Variants in WDR70 observed in about 807,000 individuals in gnomAD.
WDR70 encodes the protein WD repeat-containing protein 70.
WDR70 carries 53 observed loss-of-function variants against 88.6 expected under a neutral mutation model. That is an observed-to-expected ratio of 0.60 (90% CI 0.48 to 0.75). WDR70 has a LOEUF of 0.75. WDR70 is among the 30% of genes least tolerant of loss of function. The pLI, the probability that WDR70 is intolerant of heterozygous loss-of-function variation, is 0.00. For missense variants in WDR70, 610 were observed against 823.2 expected (o/e 0.74, Z 3.17); for synonymous variants, 280 against 270.0 (o/e 1.04, Z -0.36).
chr5:37,719,925 C>T (rs1327882610), intron 13 of WDR70, among the ~76,000 whole-genome samples: 3 of 151,606 alleles, frequency 2.0e-5, no homozygotes, highest in Non-Finnish European at 2.9e-5. Flanking sequence ...TCACTGAAGC[C>T]TCAAACTCCT....
rs1748359424 is a variant in WDR70 at position 37,379,626 on chromosome 5, G to T, written c.91+72G>T. The stretch of plus-strand genomic sequence containing the variant: ...TGAAGATCCGCAGAGTGGGAGTGGA[G>T]ATCGAGCTGTCAACTCGGAATTATT... On this transcript the variant is annotated intron_variant, in intron 2 of 17. Coordinates refer to ENST00000265107, the MANE Select transcript of WDR70 (RefSeq NM_018034.4). 3.3e-6 allele frequency: 5 copies of T among 1,526,822 alleles called. No individual in the cohort carries two copies. The East Asian group carries it at 1.1e-4, about 34-fold the overall frequency. The allele number at this position is 1,526,822 out of a possible 1,614,324, so 94.6% of individuals were successfully genotyped here.
At chr5:37,546,365 C>T (rs1195833033) in intron 9 of WDR70, among the ~76,000 whole-genome samples, 1 of 152,134 alleles carries the variant, frequency 6.6e-6, no homozygotes, top group Non-Finnish European at 1.5e-5. Context: ...TCTACACCTT[C>T]AAAAATGTTG....
chr5:37,483,523 A>T (rs1357269857), intron 8 of WDR70, among the ~76,000 whole-genome samples: 1 of 152,218 alleles, frequency 6.6e-6, no homozygotes, highest in Non-Finnish European at 1.5e-5. Context: ...CACGGCAACC[A>T]TCTGATTTCT....
chr5:37,381,990 T>C (rs978702252), intron 3 of WDR70, among the ~76,000 whole-genome samples: 1 of 123,976 alleles, frequency 8.1e-6, no homozygotes, highest in African/African-American at 2.5e-5. Flanking sequence ...GAGGCAGAGG[T>C]TGCAGTGAGC....
rs1329099985 is a variant in WDR70, at chr5:37,523,286, C to T, written c.917+6696C>T. Reference sequence around the variant, plus strand: ...GGGTACCGCTCTGAGACGAAGCTTCCAGAGGAACGATCAGGCAGCAACATT... The same window carrying T: ...GGGTACCGCTCTGAGACGAAGCTTCTAGAGGAACGATCAGGCAGCAACATT... On this transcript the variant is annotated intron_variant, in intron 9 of 17. Coordinates refer to ENST00000265107, the MANE Select transcript of WDR70 (RefSeq NM_018034.4). Among the ~76,000 whole-genome samples, 3 of 152,230 alleles carry T rather than the reference C, an allele frequency of 2.0e-5. 1 individual carries two copies. Among genetic ancestry groups the T allele is most frequent in the Admixed American group, 1.3e-4 (2 of 15,286 alleles).
chr5:37,564,305 C>T (rs1742663974), intron 9 of WDR70, among the ~76,000 whole-genome samples: 1 of 152,258 alleles, frequency 6.6e-6, no homozygotes. Context: ...TGGCAGATCA[C>T]TCGTGGTTAG....
At chr5:37,676,112 C>T (rs10074985) in intron 10 of WDR70, among the ~76,000 whole-genome samples, 111,424 of 141,328 alleles carry the variant, frequency 0.79, 44,888 homozygotes, top group East Asian at 0.89. Context: ...TGAAGTTGCG[C>T]ATCAGCTTAA....
intron 16 of WDR70, among the ~76,000 whole-genome samples, chr5:37,726,052 C>T (rs1318294110): frequency 6.6e-6 from 1 of 152,096 alleles, no homozygotes; most frequent in Non-Finnish European, 1.5e-5. Flanking sequence ...TTGTACTTAA[C>T]CCATTCTGCT....
intron 7 of WDR70, among the ~76,000 whole-genome samples, chr5:37,476,658 C>T (rs564417481): frequency 5.7e-4 from 86 of 151,728 alleles, no homozygotes; most frequent in Non-Finnish European, 1.1e-3. Flanking sequence ...TCAAGCAGTT[C>T]TCCTGCCTCA....
chr5:37,502,370 G>A lies in WDR70; in HGVS notation c.841-14144G>A, dbSNP rs1740429037. 2.6e-5 allele frequency among the ~76,000 whole-genome samples: 4 copies of A among 152,240 alleles called. No homozygotes were observed. In the East Asian group the frequency reaches 7.7e-4, roughly 29 times the overall value. ...GGTCTTGTTCCAATTCTTGGGAGAG[G>A]TGGGGATTCTTTTCAACTTTTCCCC... is the stretch of plus-strand genomic sequence containing the variant. On this transcript the variant is annotated intron_variant, in intron 8 of 17. Coordinates refer to ENST00000265107, the MANE Select transcript of WDR70 (RefSeq NM_018034.4).
intron 10 of WDR70, among the ~76,000 whole-genome samples, chr5:37,618,397 C>T (rs1436798598): frequency 1.3e-5 from 2 of 152,104 alleles, no homozygotes; most frequent in Non-Finnish European, 2.9e-5. Context: ...GAGACAGAGA[C>T]CTGCTCAGTT....
At chr5:37,390,199 ATTTT>A (rs1370780352) in intron 3 of WDR70, among the ~76,000 whole-genome samples, 2,015 of 151,526 alleles carry the variant, frequency 0.013, 40 homozygotes, top group African/African-American at 0.046. Context: ...TATTTTAAAT[ATTTT>A]TTTGTCTTTC....
chr5:37,505,477 A>G (rs553654755), intron 8 of WDR70, among the ~76,000 whole-genome samples: 5 of 152,276 alleles, frequency 3.3e-5, no homozygotes, highest in Admixed American at 2.0e-4. Flanking sequence ...CCGTATACCT[A>G]TTAATGAGTG....
At chr5:37,501,522 T>A (rs2112220558) in intron 8 of WDR70, among the ~76,000 whole-genome samples, 1 of 152,296 alleles carries the variant, frequency 6.6e-6, no homozygotes, top group South Asian at 2.1e-4. Context: ...TGCAAAAAGA[T>A]CTTGTAGTAT....
chr5:37,405,490 C>T (rs986638895), intron 5 of WDR70, among the ~76,000 whole-genome samples: 7 of 152,016 alleles, frequency 4.6e-5, no homozygotes, highest in Admixed American at 6.6e-5. Flanking sequence ...GCTGGGATTA[C>T]AGGTGTGAGC....
intron 7 of WDR70, among the ~76,000 whole-genome samples, chr5:37,453,891 C>T (rs1222678477): frequency 1.3e-5 from 2 of 152,146 alleles, no homozygotes; most frequent in Admixed American, 1.3e-4. Flanking sequence ...TCAAAAGTAG[C>T]TCCTCTCCCA....
intron 10 of WDR70, among the ~76,000 whole-genome samples, chr5:37,697,449 C>CAGA (rs1385113310): frequency 6.6e-6 from 1 of 152,194 alleles, no homozygotes; most frequent in Non-Finnish European, 1.5e-5. Context: ...CTTACCTTCT[C>CAGA]TGTTCTTTAT....
chr5:37,442,902 T>C (rs1750698715), intron 6 of WDR70, among the ~76,000 whole-genome samples: 2 of 152,242 alleles, frequency 1.3e-5, no homozygotes, highest in African/African-American at 4.8e-5. Context: ...ATTATTGTAA[T>C]TATTTGTAAG....
intron 13 of WDR70, 42 bp downstream of exon 13, chr5:37,703,129 G>A (rs756135047): frequency 1.9e-6 from 3 of 1,579,578 alleles, no homozygotes; most frequent in Non-Finnish European, 2.6e-6. Context: ...AATACATAAA[G>A]TTTGCCTCTT....
Sources: allele counts gnomAD v4.1 joint callset (sites outside exome capture counted in the v4.1 genomes callset), GRCh38; gene constraint gnomAD v4.1.1; transcripts MANE v1.5; gene names NCBI Gene and HGNC (gene_info 2026-07-23, HGNC 2026-07-21).